MLLT3: variants seen among roughly 807,000 people sequenced by gnomAD.
MLLT3 encodes MLLT3 super elongation complex subunit.
MLLT3 carries 4 observed loss-of-function variants against 53.2 expected under a neutral mutation model. The observed-to-expected ratio is 0.08, with a 90% CI of 0.04 to 0.17. MLLT3 has a LOEUF of 0.17. Ranked by LOEUF, MLLT3 falls within the 10% of genes least tolerant of loss-of-function variation. The probability of loss-of-function intolerance (pLI) is 1.00; values close to 1 mark genes in which losing one functional copy is unlikely to be tolerated. For synonymous variants in MLLT3, 283 were observed against 230.6 expected (o/e 1.23, Z -2.06); for missense variants, 569 against 684.0 (o/e 0.83, Z 1.87).
At chr9:20,472,387 A>C (rs1383506665) in intron 2 of MLLT3, among the ~76,000 whole-genome samples, 1 of 152,032 alleles carries the variant, frequency 6.6e-6, no homozygotes, top group Non-Finnish European at 1.5e-5. Context: ...CAAACATCGC[A>C]CATTTATTAT....
chr9:20,440,353 T>C (rs1457122128), intron 4 of MLLT3, among the ~76,000 whole-genome samples: 1 of 152,178 alleles, frequency 6.6e-6, no homozygotes, highest in African/African-American at 2.4e-5. Context: ...GAACCACATA[T>C]GCCTACTTCG....
At chr9:20,352,781 T>TAAA (rs568782579) in intron 10 of MLLT3, among the ~76,000 whole-genome samples, 1 of 133,476 alleles carries the variant, frequency 7.5e-6, no homozygotes, top group African/African-American at 2.7e-5. Context: ...TTGAAAGTAG[T>TAAA]AAAAAAAAAA....
chr9:20,364,010 G>A (rs1283494984), intron 6 of MLLT3, among the ~76,000 whole-genome samples: 1 of 152,272 alleles, frequency 6.6e-6, no homozygotes, highest in African/African-American at 2.4e-5. Context: ...GCCTTTGTGT[G>A]GTACTTTTTG....
intron 4 of MLLT3, among the ~76,000 whole-genome samples, chr9:20,424,393 AG>A (rs1334874989): frequency 6.6e-6 from 1 of 152,206 alleles, no homozygotes; most frequent in Non-Finnish European, 1.5e-5. Context: ...ATTATTTCAA[AG>A]GGTTTCAGAA....
intron 2 of MLLT3, among the ~76,000 whole-genome samples, chr9:20,605,014 T>C (rs911442986): frequency 6.6e-6 from 1 of 152,108 alleles, no homozygotes; most frequent in African/African-American, 2.4e-5. Context: ...ACTGGAAAAC[T>C]TTTTAGCTAT....
chr9:20,446,563 A>G (rs969386941), intron 4 of MLLT3, among the ~76,000 whole-genome samples: 4 of 152,196 alleles, frequency 2.6e-5, no homozygotes, highest in African/African-American at 7.2e-5. Context: ...ATGACGTACT[A>G]AAGTTACATA....
chr9:20,483,202 T>C (rs1824709577), intron 2 of MLLT3, among the ~76,000 whole-genome samples: 1 of 151,456 alleles, frequency 6.6e-6, no homozygotes, highest in Non-Finnish European at 1.5e-5. Flanking sequence ...CAAACCATCA[T>C]GGATATTCAT....
rs190665628 is a variant in MLLT3, at chr9:20,484,987, T to A, written c.194-28201A>T. 1.7e-3 allele frequency among the ~76,000 whole-genome samples: 262 copies of A among 152,070 alleles called. 3 individuals carry two copies. Among genetic ancestry groups the A allele is most frequent in the African/African-American group, 5.5e-4 (23 of 41,528 alleles). ...AAATCTGTAATTTTATTTTTATTTTTTTTATTTATTTTTTTTTTTGAGACA... is the reference window on the plus strand; with the variant it reads ...AAATCTGTAATTTTATTTTTATTTTATTTATTTATTTTTTTTTTTGAGACA... On this transcript the variant is annotated intron_variant, in intron 2 of 10. Transcript: ENST00000380338.
chr9:20,618,398 T>C (rs757132835), intron 2 of MLLT3, among the ~76,000 whole-genome samples: 1 of 152,232 alleles, frequency 6.6e-6, no homozygotes, highest in Non-Finnish European at 1.5e-5. Context: ...AACTTACAAC[T>C]ATTCCCAATG....
intron 2 of MLLT3, among the ~76,000 whole-genome samples, chr9:20,528,315 T>C (rs550390435): frequency 2.0e-4 from 31 of 152,368 alleles, no homozygotes; most frequent in African/African-American, 7.5e-4. Context: ...GATAATGCAT[T>C]TAATCTGTTA....
At chr9:20,548,823 A>T (rs908795422) in intron 2 of MLLT3, among the ~76,000 whole-genome samples, 2 of 146,790 alleles carry the variant, frequency 1.4e-5, no homozygotes, top group Non-Finnish European at 3.0e-5. Context: ...TTGCTCAAAG[A>T]TTTTTTTTTT....
intron 4 of MLLT3, among the ~76,000 whole-genome samples, chr9:20,442,070 A>C (rs758118415): frequency 3.9e-5 from 6 of 152,188 alleles, no homozygotes; most frequent in Non-Finnish European, 5.9e-5. Context: ...GAATATTTCC[A>C]ATTTAAAATA....
Position 20,571,855 on chromosome 9 carries a change from T to A in MLLT3, c.193+48799A>T, listed in dbSNP as rs75293832. Among the ~76,000 whole-genome samples the A allele has an allele frequency of 9.2e-3, 1,407 of 152,368 alleles. 49 individuals are homozygous for A. The East Asian group carries it at 0.12, about 13-fold the overall frequency. The stretch of plus-strand genomic sequence containing the variant: ...ATTTCACTTCTGTTAGAACAGTTTT[T>A]GTCAAGAGAACAAAAGATAACAAGT... On this transcript the variant is annotated intron_variant, in intron 2 of 10. Transcript: ENST00000380338.
At chr9:20,602,542 C>A (rs536810701) in intron 2 of MLLT3, among the ~76,000 whole-genome samples, 1 of 152,110 alleles carries the variant, frequency 6.6e-6, no homozygotes, top group African/African-American at 2.4e-5. Context: ...CATAGACACA[C>A]AAACACCTAA....
chr9:20,369,623 C>T (rs974738768), intron 5 of MLLT3, among the ~76,000 whole-genome samples: 1 of 152,202 alleles, frequency 6.6e-6, no homozygotes, highest in East Asian at 1.9e-4. Context: ...CACTGTCTTA[C>T]ATTTCATCAA....
At chr9:20,400,721 T>TGAAG (rs1299333660) in intron 5 of MLLT3, among the ~76,000 whole-genome samples, 2 of 151,608 alleles carry the variant, frequency 1.3e-5, no homozygotes, top group East Asian at 3.9e-4. Flanking sequence ...ATCTTCATAA[T>TGAAG]GAAGGATTAC....
chr9:20,375,159 C>A (rs543003262), intron 5 of MLLT3, among the ~76,000 whole-genome samples: 2 of 152,158 alleles, frequency 1.3e-5, no homozygotes, highest in East Asian at 1.9e-4. Context: ...TTATGGCAGC[C>A]CAAGCTGACT....
At chr9:20,398,230 T>C (rs2118737893) in intron 5 of MLLT3, among the ~76,000 whole-genome samples, 1 of 152,148 alleles carries the variant, frequency 6.6e-6, no homozygotes, top group South Asian at 2.1e-4. Flanking sequence ...GAGCAGCTGG[T>C]GTGTGCCACC....
intron 4 of MLLT3, among the ~76,000 whole-genome samples, chr9:20,446,882 ATACTC>A (rs971994358): frequency 1.9e-4 from 29 of 152,210 alleles, no homozygotes; most frequent in African/African-American, 6.5e-4. Flanking sequence ...CTCCCATAGA[ATACTC>A]TAAGTGGCAT....
Sources: allele counts gnomAD v4.1 joint callset (sites outside exome capture counted in the v4.1 genomes callset), GRCh38; gene constraint gnomAD v4.1.1; transcripts MANE v1.5; gene names NCBI Gene and HGNC (gene_info 2026-07-23, HGNC 2026-07-21).